Variants in CACNA1C observed in about 807,000 individuals in gnomAD.
The protein encoded by CACNA1C is voltage-dependent L-type calcium channel subunit alpha-1C.
CACNA1C carries 30 observed loss-of-function variants against 229.0 expected under a neutral mutation model. The ratio of observed to expected loss-of-function variants is 0.13; its 90% confidence interval spans 0.10 to 0.18. The LOEUF is 0.18. Among genes scored for constraint, CACNA1C ranks in the 10% least tolerant of loss-of-function variants. CACNA1C has a pLI of 1.00. For missense variants in CACNA1C, 1,658 were observed against 2,845.0 expected (o/e 0.58, Z 9.49); for synonymous variants, 1,114 against 1,132.5 (o/e 0.98, Z 0.33).
chr12:2,541,479 A>G (rs1193554930), intron 9 of CACNA1C, among the ~76,000 whole-genome samples: 4 of 152,214 alleles, frequency 2.6e-5, no homozygotes, highest in East Asian at 1.9e-4. Context: ...AAGCCTGGAC[A>G]CTGGATCCCA....
intron 11 of CACNA1C, among the ~76,000 whole-genome samples, chr12:2,562,565 A>G (rs1159958708): frequency 2.0e-5 from 3 of 152,348 alleles, no homozygotes; most frequent in East Asian, 1.9e-4. Context: ...ACTGTTTAGT[A>G]TCAAGATCTG....
chr12:2,018,852 A>G (rs1034207012), intron 1 of CACNA1C, among the ~76,000 whole-genome samples: 1 of 152,238 alleles, frequency 6.6e-6, no homozygotes, highest in African/African-American at 2.4e-5. Context: ...TTCCCTTACG[A>G]TAACATTGGA....
chr12:2,105,878 G>C (rs12810747), intron 1 of CACNA1C, among the ~76,000 whole-genome samples: 6 of 12,002 alleles, frequency 5.0e-4, no homozygotes, highest in Admixed American at 1.9e-3. Flanking sequence ...GCTGGGCATC[G>C]TGAAGCCACT....
chr12:2,047,731 T>C (rs1056977491), intron 1 of CACNA1C, among the ~76,000 whole-genome samples: 1 of 152,204 alleles, frequency 6.6e-6, no homozygotes, highest in African/African-American at 2.4e-5. Flanking sequence ...GGTACCACCG[T>C]GAGTGATGTG....
chr12:2,629,089 T>G (rs2088917374), intron 29 of CACNA1C, among the ~76,000 whole-genome samples: 1 of 152,184 alleles, frequency 6.6e-6, no homozygotes, highest in South Asian at 2.1e-4. Context: ...ATAATCAGAT[T>G]ATGATTACCT....
At chr12:2,270,462 A>G (rs1014478366) in intron 3 of CACNA1C, among the ~76,000 whole-genome samples, 11 of 152,136 alleles carry the variant, frequency 7.2e-5, no homozygotes, top group Non-Finnish European at 1.6e-4. Flanking sequence ...CCTCATGTCA[A>G]TGTTTTGAGG....
chr12:2,329,555 T>G (rs552774573), intron 3 of CACNA1C, among the ~76,000 whole-genome samples: 1 of 152,332 alleles, frequency 6.6e-6, no homozygotes, highest in Non-Finnish European at 1.5e-5. Context: ...TGCCACATGC[T>G]CTATCCCGAC....
intron 3 of CACNA1C, among the ~76,000 whole-genome samples, chr12:2,439,605 A>G (rs1426110805): frequency 6.6e-6 from 1 of 152,042 alleles, no homozygotes; most frequent in East Asian, 1.9e-4. Context: ...GCCCACACCC[A>G]TGTGCTGGGG....
At chr12:2,445,477 CA>C (rs1312603557) in intron 3 of CACNA1C, among the ~76,000 whole-genome samples, 1 of 152,188 alleles carries the variant, frequency 6.6e-6, no homozygotes, top group Non-Finnish European at 1.5e-5. Flanking sequence ...TGGGTCTCCA[CA>C]TGTTCTATGC....
intron 3 of CACNA1C, among the ~76,000 whole-genome samples, chr12:2,220,111 G>C (rs1316656696): frequency 6.6e-6 from 1 of 152,176 alleles, no homozygotes; most frequent in Non-Finnish European, 1.5e-5. Flanking sequence ...GGGCTCCCCT[G>C]TTCTCCAACT....
At chr12:2,221,747 T>C (rs2154350998) in intron 3 of CACNA1C, 1 of 152,352 alleles carries the variant, frequency 6.6e-6, no homozygotes, top group East Asian at 1.9e-4. Context: ...GTGTTCATTG[T>C]AGTCTTATTT....
intron 3 of CACNA1C, among the ~76,000 whole-genome samples, chr12:2,145,326 G>C (rs140261874): frequency 2.0e-4 from 30 of 151,092 alleles, no homozygotes; most frequent in African/African-American, 6.5e-4. Context: ...CTCCAGTGTA[G>C]AATTGCTGGT....
At chr12:1,999,149 A>G (rs2041607517) in intron 1 of CACNA1C, among the ~76,000 whole-genome samples, 1 of 152,344 alleles carries the variant, frequency 6.6e-6, no homozygotes, top group East Asian at 1.9e-4. Flanking sequence ...CTACTGAATC[A>G]GAAACTCTGG....
In CACNA1C at chr12:2,363,168, G is replaced by A. The variant is rs141218157; in HGVS notation, c.478-85808G>A. On this transcript the variant is annotated intron_variant, in intron 3 of 46. Coordinates refer to ENST00000399655, the MANE Select transcript of CACNA1C (RefSeq NM_000719.7). ...TCCTGCATCCTCTTGTCCCAGTTGT[G>A]CCCTTTCCCTGGCTGACCATAGCAT... 2.9e-3 allele frequency among the ~76,000 whole-genome samples: 438 copies of A among 152,218 alleles called. 3 individuals carry two copies. Among genetic ancestry groups the A allele is most frequent in the Admixed American group, 4.4e-3 (67 of 15,294 alleles).
intron 3 of CACNA1C, among the ~76,000 whole-genome samples, chr12:2,229,590 A>G (rs68089646): frequency 0.32 from 48,718 of 151,900 alleles, 8,623 homozygotes; most frequent in African/African-American, 0.46. Flanking sequence ...AAGCAGGGGA[A>G]TGGGGTGTGA....
chr12:2,106,623 CCT>C (rs1193540442), intron 1 of CACNA1C, among the ~76,000 whole-genome samples: 173 of 96,196 alleles, frequency 1.8e-3, no homozygotes, highest in East Asian at 3.2e-3. Flanking sequence ...AGCTGGGCAT[CCT>C]GAAGCCACTG....
chr12:2,106,089 G>A lies in CACNA1C; in HGVS notation c.50-9135G>A, dbSNP rs12811127. ...GAGAAGGTTTCCACCTCAGCTGGGC[G>A]TCCTGAAGCCACTGGGCGCCCACCC... On this transcript the variant is annotated intron_variant, in intron 1 of 46. Coordinates refer to ENST00000399655, the MANE Select transcript of CACNA1C (RefSeq NM_000719.7). Among the ~76,000 whole-genome samples the A allele has an allele frequency of 1.1e-3, 46 of 40,722 alleles. 7 individuals are homozygous for A. The highest frequency in any genetic ancestry group is 2.5e-3 in the African/African-American group (33 of 13,392). The allele number at this position is 40,722 out of a possible 152,430, so 26.7% of individuals were successfully genotyped here. A position where few individuals can be genotyped will look rare whatever the true frequency, so the allele number is the denominator to read the frequency against.
At chr12:2,201,841 C>T (rs1249805492) in intron 3 of CACNA1C, among the ~76,000 whole-genome samples, 1 of 152,160 alleles carries the variant, frequency 6.6e-6, no homozygotes, top group Non-Finnish European at 1.5e-5. Flanking sequence ...ATCTCTTTAG[C>T]AGGGAAGATG....
intron 9 of CACNA1C, among the ~76,000 whole-genome samples, chr12:2,524,445 G>A (rs548614723): frequency 1.3e-5 from 2 of 152,358 alleles, no homozygotes; most frequent in East Asian, 3.9e-4. Context: ...AAGAGGGTGG[G>A]AGGGACTGCC....
Sources: allele counts gnomAD v4.1 joint callset (sites outside exome capture counted in the v4.1 genomes callset), GRCh38; gene constraint gnomAD v4.1.1; transcripts MANE v1.5; gene names NCBI Gene and HGNC (gene_info 2026-07-23, HGNC 2026-07-21).